DIS3L2: variants seen among roughly 807,000 people sequenced by gnomAD.
The protein encoded by DIS3L2 is DIS3-like exonuclease 2.
DIS3L2 carries 34 observed loss-of-function variants against 97.5 expected under a neutral mutation model. The observed-to-expected ratio is 0.35, with a 90% CI of 0.27 to 0.46. The LOEUF (loss-of-function observed/expected upper bound fraction) is 0.46, where lower values mean the gene tolerates loss of function less well. Among genes scored for constraint, DIS3L2 ranks in the 20% least tolerant of loss-of-function variants. The probability of loss-of-function intolerance (pLI) is 1.00; values close to 1 mark genes in which losing one functional copy is unlikely to be tolerated. For missense variants in DIS3L2, 1,038 were observed against 1,146.0 expected, an observed-to-expected ratio of 0.91 and a Z score of 1.36; for synonymous variants, 435 against 445.2, an observed-to-expected ratio of 0.98 and a Z score of 0.29.
chr2:232,210,855 T>C (rs1412115927), intron 10 of DIS3L2, among the ~76,000 whole-genome samples: 3 of 131,214 alleles, frequency 2.3e-5, no homozygotes, highest in Admixed American at 2.2e-4. Flanking sequence ...CAGGAACACC[T>C]TCCCTGAGAA....
At chr2:232,174,480 G>A (rs1294078059) in intron 9 of DIS3L2, among the ~76,000 whole-genome samples, 1 of 150,936 alleles carries the variant, frequency 6.6e-6, no homozygotes, top group Admixed American at 6.6e-5. Context: ...CAGCTACTCA[G>A]GAGGCTGAGG....
chr2:232,289,829 G>A (rs1694548850), intron 13 of DIS3L2, among the ~76,000 whole-genome samples: 1 of 152,224 alleles, frequency 6.6e-6, no homozygotes, highest in Non-Finnish European at 1.5e-5. Context: ...AGCTGTGGGA[G>A]GCTTCCACAA....
chr2:232,145,591 C>T (rs1690196181), intron 8 of DIS3L2, among the ~76,000 whole-genome samples: 1 of 152,060 alleles, frequency 6.6e-6, no homozygotes, highest in Admixed American at 6.6e-5. Flanking sequence ...TGAATAAAAG[C>T]AATAGTAGCA....
At chr2:232,094,939 G>A (rs1696960096) in intron 6 of DIS3L2, among the ~76,000 whole-genome samples, 1 of 151,922 alleles carries the variant, frequency 6.6e-6, no homozygotes, top group Admixed American at 6.6e-5. Context: ...TTTTTGCCTT[G>A]AAATCTATTT....
At chr2:232,333,759 G>A in intron 16 of DIS3L2, 81 bp from the exon 17 acceptor site, 196 of 1,412,992 alleles carry the variant, frequency 1.4e-4, no homozygotes, top group Admixed American at 8.4e-4. Flanking sequence ...TGCCGACGGT[G>A]AGGCTGTGGG....
At chr2:232,287,902 G>A (rs1465944015) in intron 13 of DIS3L2, among the ~76,000 whole-genome samples, 1 of 152,142 alleles carries the variant, frequency 6.6e-6, no homozygotes, top group Non-Finnish European at 1.5e-5. Flanking sequence ...TAATTATCTT[G>A]GAATAGGAAC....
chr2:232,045,500 A>G (rs563656475), intron 5 of DIS3L2, among the ~76,000 whole-genome samples: 4 of 152,092 alleles, frequency 2.6e-5, no homozygotes, highest in South Asian at 2.1e-4. Context: ...GGCAGGTTCA[A>G]CTGCCTGGTG....
At position 232,217,433 on chromosome 2, in the gene DIS3L2, G is replaced by A. The variant is rs1425680430; in HGVS notation, c.1204+7028G>A. On this transcript the variant is annotated intron_variant, in intron 10 of 20. Coordinates refer to ENST00000325385, the MANE Select transcript of DIS3L2 (RefSeq NM_152383.5). ...TTAGTTCTGCAGCATATGCCAGCAG[G>A]TTGTCCTCCAATTCAGTTCTGATAT... 2.0e-5 allele frequency among the ~76,000 whole-genome samples: 3 copies of A among 152,208 alleles called. No individual in the cohort carries two copies. The East Asian group carries it at 5.8e-4, about 29-fold the overall frequency.
chr2:232,324,458 C>T (rs1309046214), intron 14 of DIS3L2, among the ~76,000 whole-genome samples: 1 of 152,096 alleles, frequency 6.6e-6, no homozygotes, highest in Non-Finnish European at 1.5e-5. Context: ...TTGCCTTTGG[C>T]CTTTGAAAAT....
At chr2:232,155,805 A>G (rs1423981225) in intron 8 of DIS3L2, among the ~76,000 whole-genome samples, 3 of 152,012 alleles carry the variant, frequency 2.0e-5, no homozygotes, top group South Asian at 2.1e-4. Context: ...CCTGGCTAAC[A>G]TGGTGAAACC....
At chr2:232,123,506 A>G (rs1343991686) in intron 6 of DIS3L2, among the ~76,000 whole-genome samples, 1 of 149,794 alleles carries the variant, frequency 6.7e-6, no homozygotes, top group Non-Finnish European at 1.5e-5. Context: ...CCCCTCCCCT[A>G]TTCTTACCCC....
At chr2:232,183,666 G>A (rs1016119250) in intron 9 of DIS3L2, among the ~76,000 whole-genome samples, 6 of 152,180 alleles carry the variant, frequency 3.9e-5, no homozygotes, top group Non-Finnish European at 5.9e-5. Context: ...TTTTTGGTCA[G>A]TTCTTGTTGA....
intron 5 of DIS3L2, among the ~76,000 whole-genome samples, chr2:232,053,611 A>T (rs555862773): frequency 1.4e-4 from 21 of 152,346 alleles, no homozygotes; most frequent in African/African-American, 4.8e-4. Flanking sequence ...TGGCCCCCTC[A>T]GGTTCAGTAA....
chr2:232,290,159 C>A (rs1694559211), intron 13 of DIS3L2, among the ~76,000 whole-genome samples: 2 of 152,218 alleles, frequency 1.3e-5, no homozygotes, highest in Admixed American at 6.5e-5. Flanking sequence ...CATGAAAATC[C>A]TCAAAAATTC....
chr2:232,183,957 A>G (rs144463745), intron 9 of DIS3L2, among the ~76,000 whole-genome samples: 4 of 152,270 alleles, frequency 2.6e-5, no homozygotes, highest in Non-Finnish European at 5.9e-5. Context: ...CCACGATTAC[A>G]ATGCTGTTGA....
At chr2:232,113,068 T>C (rs1469841690) in intron 6 of DIS3L2, among the ~76,000 whole-genome samples, 1 of 152,162 alleles carries the variant, frequency 6.6e-6, no homozygotes, top group Non-Finnish European at 1.5e-5. Context: ...CTTAGAGCTC[T>C]GGATTGTGAA....
intron 14 of DIS3L2, chr2:232,307,648 T>C (rs1369365695): frequency 6.6e-6 from 1 of 152,174 alleles, no homozygotes; most frequent in Non-Finnish European, 1.5e-5. Flanking sequence ...TTATGATCCA[T>C]GTACCATAAT....
At chr2:232,230,346 A>G (rs1174964362) in intron 10 of DIS3L2, among the ~76,000 whole-genome samples, 9 of 152,240 alleles carry the variant, frequency 5.9e-5, no homozygotes, top group Non-Finnish European at 1.0e-4. Flanking sequence ...AGCTGCCCTA[A>G]GTAAGGCCCC....
chr2:232,029,171 A>C (rs776552169), intron 4 of DIS3L2, among the ~76,000 whole-genome samples: 18 of 152,198 alleles, frequency 1.2e-4, no homozygotes, highest in Admixed American at 3.3e-4. Context: ...TCCTGTAAGA[A>C]AAAATGTTTT....
Sources: allele counts gnomAD v4.1 joint callset (sites outside exome capture counted in the v4.1 genomes callset), GRCh38; gene constraint gnomAD v4.1.1; transcripts MANE v1.5; gene names NCBI Gene and HGNC (gene_info 2026-07-23, HGNC 2026-07-21).